Variants in TTC6 observed in about 807,000 individuals in gnomAD.
TTC6 encodes tetratricopeptide repeat protein 6.
In TTC6, 172 loss-of-function variants were observed where a neutral mutation model predicts 210.4. The observed-to-expected ratio is 0.82, with a 90% confidence interval of 0.72 to 0.93. The LOEUF (loss-of-function observed/expected upper bound fraction) is 0.93. TTC6 is among the 40% of genes least tolerant of loss of function. TTC6 has a pLI of 0.00. For synonymous variants in TTC6, 804 were observed against 819.6 expected, an observed-to-expected ratio of 0.98 and a Z score of 0.32; for missense variants, 2,414 against 2,318.1, an observed-to-expected ratio of 1.04 and a Z score of -0.85.
intron 1 of TTC6, among the ~76,000 whole-genome samples, chr14:37,629,615 T>C (rs2095665957): frequency 6.6e-6 from 1 of 152,208 alleles, no homozygotes; most frequent in Admixed American, 6.5e-5. Context: ...TCTTGCCTGA[T>C]TGCTCTGGCC....
intron 14 of TTC6, among the ~76,000 whole-genome samples, chr14:37,771,675 C>G (rs2096019392): frequency 6.6e-6 from 1 of 152,148 alleles, no homozygotes; most frequent in Non-Finnish European, 1.5e-5. Context: ...AAGCACTTCT[C>G]TGTATTGGTT....
chr14:37,751,295 A>G (rs2095951186), intron 13 of TTC6, 70 bp downstream of exon 15: 1 of 1,178,984 alleles, frequency 8.5e-7, no homozygotes, highest in Non-Finnish European at 1.1e-6. Flanking sequence ...CAAATAGTAC[A>G]GCAAGTTTTT....
At chr14:37,603,176 A>G (rs377701731) in intron 1 of TTC6, among the ~76,000 whole-genome samples, 1 of 152,190 alleles carries the variant, frequency 6.6e-6, no homozygotes, top group East Asian at 1.9e-4. Flanking sequence ...GGGGTGGGGC[A>G]GCATGGTTCT....
At chr14:37,839,576 A>G (rs1469723063) in intron 29 of TTC6, among the ~76,000 whole-genome samples, 8 of 151,922 alleles carry the variant, frequency 5.3e-5, no homozygotes, top group Non-Finnish European at 1.2e-4. Flanking sequence ...GATTGCAAAA[A>G]TTTTCTCCCA....
At chr14:37,640,862 C>T (rs1404015204) in intron 1 of TTC6, among the ~76,000 whole-genome samples, 1 of 152,082 alleles carries the variant, frequency 6.6e-6, no homozygotes, top group East Asian at 1.9e-4. Flanking sequence ...ATTTTTAATG[C>T]TTTTACATTT....
intron 8 of TTC6, among the ~76,000 whole-genome samples, chr14:37,737,379 A>G (rs2095904558): frequency 6.6e-6 from 1 of 152,126 alleles, no homozygotes; most frequent in South Asian, 2.1e-4. Context: ...TTTGCACTAT[A>G]CTACCTTGTA....
intron 14 of TTC6, among the ~76,000 whole-genome samples, chr14:37,782,314 T>G (rs1008944406): frequency 3.3e-5 from 5 of 152,210 alleles, no homozygotes; most frequent in South Asian, 2.1e-4. Flanking sequence ...GAACAGTGGT[T>G]TGTAATTCTC....
At chr14:37,656,435 C>CA (rs2095723100) in intron 1 of TTC6, among the ~76,000 whole-genome samples, 1 of 152,030 alleles carries the variant, frequency 6.6e-6, no homozygotes, top group African/African-American at 2.4e-5. Flanking sequence ...AGACAGGCTT[C>CA]AAACTCTAAA....
Position 37,701,760 on chromosome 14 carries a change from CAG to C in TTC6, c.1571+237_1571+238del, listed in dbSNP as rs1023655204. Among the ~76,000 whole-genome samples, 15 of 152,206 alleles carry C rather than the reference CAG, an allele frequency of 9.9e-5. No individual in the cohort carries two copies. The South Asian group carries it at 1.2e-3, about 13-fold the overall frequency. On this transcript the variant is annotated intron_variant, in intron 5 of 30. Transcript: ENST00000553443. ...AATTGTAAGGTAACTTTAGTATTCC[CAG>C]AGTGTTACATACATGATCTCATTTG...
Position 37,598,917 on chromosome 14 carries a change from T to C in TTC6, c.-235+2909T>C, listed in dbSNP as rs1003548848. On this transcript the variant is annotated intron_variant, in intron 1 of 2. Coordinates refer to the TTC6 transcript ENST00000556845. This position sits in a 1 kb window ranked among gnomAD's most constrained non-coding sequence, Gnocchi z 4.9. ...CATGCTTGGTGTGGAGTGGTTCGAG[T>C]TCCTCCGCGGGCCCCCACCCCCCAC... 9.2e-5 allele frequency among the ~76,000 whole-genome samples: 14 copies of C among 151,372 alleles called. No homozygotes were observed. The highest frequency in any genetic ancestry group is 1.9e-4 in the Non-Finnish European group (13 of 67,804).
chr14:37,808,618 A>G (rs933583145), intron 23 of TTC6, 115 bp from the exon 26 acceptor site: 8 of 541,586 alleles, frequency 1.5e-5, no homozygotes, highest in Non-Finnish European at 2.6e-5. Flanking sequence ...AGATGATACA[A>G]AGAATGGTTA....
In TTC6 at chr14:37,648,955, G is replaced by A. The variant is rs144011451; in HGVS notation, c.939+25952G>A. Among the ~76,000 whole-genome samples, 252 of 152,104 alleles carry A rather than the reference G, an allele frequency of 1.7e-3. 5 individuals are homozygous for A. The East Asian group carries it at 0.018, about 11-fold the overall frequency. ...TGAATCTCAGTTTGTAAACAGAGAT[G>A]TGCAAGAATCATGTTTATTTATCTA... On this transcript the variant is annotated intron_variant, in intron 1 of 30. Transcript: ENST00000553443.
chr14:37,792,488 A>AAT (rs2096082269), intron 17 of TTC6, 74 bp downstream of exon 19: 4 of 1,242,148 alleles, frequency 3.2e-6, no homozygotes, highest in South Asian at 4.0e-5. Flanking sequence ...ACATAATTTT[A>AAT]ATATATATAC....
upstream of TTC6, among the ~76,000 whole-genome samples, chr14:37,619,429 G>A (rs188331882): frequency 6.0e-4 from 91 of 152,168 alleles, no homozygotes; most frequent in South Asian, 0.012. Flanking sequence ...ATTGATATGA[G>A]TCCAACTAAG....
intron 14 of TTC6, 28 bp from the exon 17 acceptor site, chr14:37,787,440 C>T: frequency 6.9e-7 from 1 of 1,454,062 alleles, no homozygotes; most frequent in Non-Finnish European, 9.1e-7. Flanking sequence ...CTTTACAGTA[C>T]TTGTTAAAAC....
At chr14:37,823,858 T>C in exon 27 of TTC6, 1 of 1,614,044 alleles carries the variant, frequency 6.2e-7, no homozygotes, top group Non-Finnish European at 8.5e-7. Context: ...AATACGGTCA[T>C]GATGAAGCCA....
At chr14:37,642,336 A>T (rs1457595662) in intron 1 of TTC6, among the ~76,000 whole-genome samples, 1 of 152,184 alleles carries the variant, frequency 6.6e-6, no homozygotes, top group Admixed American at 6.6e-5. Context: ...TTGTCATCAG[A>T]GTGAAAGGAT....
intron 29 of TTC6, among the ~76,000 whole-genome samples, chr14:37,831,586 G>T (rs1462059977): frequency 2.0e-5 from 3 of 147,904 alleles, no homozygotes; most frequent in African/African-American, 4.9e-5. Flanking sequence ...CGTTTTTTTT[G>T]TGTGTGTTTT....
At chr14:37,605,646 A>G (rs868621289) in intron 1 of TTC6, among the ~76,000 whole-genome samples, 4 of 152,312 alleles carry the variant, frequency 2.6e-5, no homozygotes, top group South Asian at 2.1e-4. Flanking sequence ...CAACAGTCTT[A>G]CATATCTACC....
Sources: allele counts gnomAD v4.1 joint callset (sites outside exome capture counted in the v4.1 genomes callset), GRCh38; gene constraint gnomAD v4.1.1; non-coding constraint Gnocchi (gnomAD v3.1); transcripts MANE v1.5; gene names NCBI Gene and HGNC (gene_info 2026-07-23, HGNC 2026-07-21).